NCAM1: variants seen among roughly 807,000 people sequenced by gnomAD.
NCAM1 encodes antigen recognized by monoclonal antibody 5.1H11.
Under a neutral mutation model 109.8 loss-of-function variants are expected in NCAM1, and 14 were observed. That is an observed-to-expected ratio of 0.13 (90% CI 0.08 to 0.20). The LOEUF is 0.20. NCAM1 is among the 10% of genes least tolerant of loss of function. The pLI is 1.00. For synonymous variants in NCAM1, 418 were observed against 442.9 expected (o/e 0.94, Z 0.70); for missense variants, 774 against 1,109.9 (o/e 0.70, Z 4.30).
intron 8 of NCAM1, among the ~76,000 whole-genome samples, chr11:113,217,239 G>A (rs1944556340): frequency 6.6e-6 from 1 of 152,172 alleles, no homozygotes; most frequent in Admixed American, 6.5e-5. Context: ...AAGCATGATG[G>A]TGTCAGTCCT....
chr11:113,252,791 A>G (rs1241322175), intron 15 of NCAM1, among the ~76,000 whole-genome samples: 1 of 112,720 alleles, frequency 8.9e-6, no homozygotes, highest in East Asian at 2.8e-4. Context: ...ACATGCCACT[A>G]TGCCCAGCTT....
At chr11:113,000,847 T>TATATATATATATATAC (rs1306306918) in intron 1 of NCAM1, among the ~76,000 whole-genome samples, 25 of 113,566 alleles carry the variant, frequency 2.2e-4, no homozygotes, top group African/African-American at 7.7e-4. Context: ...TATATATATA[T>TATATATATATATATAC]ACACAAAAAA....
intron 15 of NCAM1, among the ~76,000 whole-genome samples, chr11:113,250,427 G>A (rs1945642536): frequency 6.6e-6 from 1 of 152,182 alleles, no homozygotes; most frequent in South Asian, 2.1e-4. Flanking sequence ...GATCCCCTAA[G>A]GACCAGCCAC....
chr11:113,028,142 T>C (rs1449514154), intron 1 of NCAM1, among the ~76,000 whole-genome samples: 6 of 152,160 alleles, frequency 3.9e-5, no homozygotes, highest in Non-Finnish European at 8.8e-5. Flanking sequence ...ATAGCTGATA[T>C]CAATGTATTG....
chr11:113,066,287 TA>T (rs1278199925), intron 1 of NCAM1, among the ~76,000 whole-genome samples: 2 of 152,214 alleles, frequency 1.3e-5, no homozygotes, highest in African/African-American at 4.8e-5. Context: ...ATAAAGGTAT[TA>T]AGATTGTTTA....
intron 1 of NCAM1, among the ~76,000 whole-genome samples, chr11:113,095,708 A>AT (rs1939565606): frequency 6.6e-6 from 1 of 152,224 alleles, no homozygotes; most frequent in East Asian, 1.9e-4. Flanking sequence ...TATTAATCCC[A>AT]TTTTACAGAT....
chr11:113,100,948 C>A (rs1270104089), intron 1 of NCAM1, among the ~76,000 whole-genome samples: 3 of 152,128 alleles, frequency 2.0e-5, no homozygotes, highest in African/African-American at 7.2e-5. Flanking sequence ...CTCTAGATGA[C>A]CCTTTCTGGT....
chr11:113,009,285 C>T (rs1231643480), intron 1 of NCAM1, among the ~76,000 whole-genome samples: 1 of 135,036 alleles, frequency 7.4e-6, no homozygotes, highest in Middle Eastern at 4.2e-3. Flanking sequence ...CTCCATTGGG[C>T]TGATTTAATT....
At chr11:113,178,107 C>T (rs999314952) in intron 1 of NCAM1, among the ~76,000 whole-genome samples, 3 of 152,162 alleles carry the variant, frequency 2.0e-5, no homozygotes, top group African/African-American at 7.2e-5. Context: ...GAAATAAATG[C>T]AAATACGGTC....
chr11:112,971,105 A>G (rs1371676715), intron 1 of NCAM1, among the ~76,000 whole-genome samples: 2 of 152,080 alleles, frequency 1.3e-5, no homozygotes, highest in Non-Finnish European at 2.9e-5. Flanking sequence ...GCTTCCATAT[A>G]TATTAAGAAA....
At chr11:113,098,876 T>C (rs1555090975) in intron 1 of NCAM1, among the ~76,000 whole-genome samples, 1 of 152,168 alleles carries the variant, frequency 6.6e-6, no homozygotes, top group Non-Finnish European at 1.5e-5. Context: ...GGGAGAATGA[T>C]GGCATAGGAG....
At chr11:113,236,436 TGG>T in intron 14 of NCAM1, 1 of 1,116,266 alleles carries the variant, frequency 9.0e-7, no homozygotes, top group Non-Finnish European at 1.3e-6. Context: ...TGATATTGTC[TGG>T]GCCCTAACCA....
intron 1 of NCAM1, among the ~76,000 whole-genome samples, chr11:113,191,755 A>T (rs12222014): frequency 2.2e-5 from 3 of 134,552 alleles, no homozygotes; most frequent in African/African-American, 7.6e-5. Flanking sequence ...ATGTGTGTAT[A>T]TGTGTGTGTG....
chr11:112,982,128 G>A (rs1951170109), intron 1 of NCAM1, among the ~76,000 whole-genome samples: 1 of 151,886 alleles, frequency 6.6e-6, no homozygotes, highest in African/African-American at 2.4e-5. Context: ...TAACCAAAAT[G>A]CAAATCTTCA....
chr11:113,182,745 G>A (rs577626028), intron 1 of NCAM1, among the ~76,000 whole-genome samples: 2 of 152,302 alleles, frequency 1.3e-5, no homozygotes, highest in African/African-American at 4.8e-5. Context: ...GTGGAGAGTC[G>A]AGCGAGCAGA....
chr11:112,982,955 T>G (rs1951192702), intron 1 of NCAM1, among the ~76,000 whole-genome samples: 1 of 151,906 alleles, frequency 6.6e-6, no homozygotes, highest in Non-Finnish European at 1.5e-5. Flanking sequence ...TCTCGAAGGA[T>G]AAGTCCATTT....
chr11:113,245,685 C>G (rs1465485453), intron 14 of NCAM1, among the ~76,000 whole-genome samples: 7 of 152,168 alleles, frequency 4.6e-5, no homozygotes. Context: ...ATAAGATCCT[C>G]AAAGCCACCA....
chr11:113,264,025 A>G (rs1268733851), intron 17 of NCAM1: 4 of 985,274 alleles, frequency 4.1e-6, no homozygotes, highest in Non-Finnish European at 4.8e-6. Flanking sequence ...GAGTTCACCC[A>G]GGAGAGGAAA....
chr11:113,005,200 T>C (rs2135036841), intron 1 of NCAM1, among the ~76,000 whole-genome samples: 1 of 152,326 alleles, frequency 6.6e-6, no homozygotes, highest in African/African-American at 2.4e-5. Context: ...ACTGGTCAGT[T>C]AGCCTAATTA....
Sources: allele counts gnomAD v4.1 joint callset (sites outside exome capture counted in the v4.1 genomes callset), GRCh38; gene constraint gnomAD v4.1.1; transcripts MANE v1.5; gene names NCBI Gene and HGNC (gene_info 2026-07-23, HGNC 2026-07-21).